The following REEP3 variants were observed in gnomAD, a reference collection of about 807,000 sequenced individuals.
REEP3 encodes receptor accessory protein 3, also known as receptor expression-enhancing protein 3.
A neutral mutation model predicts 41.3 loss-of-function variants in REEP3; 20 were observed. The ratio of observed to expected loss-of-function variants is 0.48; its 90% confidence interval spans 0.34 to 0.70. REEP3 has a LOEUF of 0.70. Ranked by LOEUF, REEP3 falls within the 30% of genes least tolerant of loss-of-function variation. REEP3 has a pLI of 0.01. For synonymous variants in REEP3, 104 were observed against 101.8 expected (o/e 1.02, Z -0.13); for missense variants, 271 against 308.8 (o/e 0.88, Z 0.92).
rs1564488603 is a variant in REEP3, at chr10:63,598,064, TG to T, written c.225del (p.Trp75CysfsTer12). The T allele has an allele frequency of 6.2e-7, 1 of 1,610,676 alleles. No homozygotes were observed. The highest frequency in any genetic ancestry group is 8.5e-7 in the Non-Finnish European group (1 of 1,176,912). On this transcript the variant is annotated frameshift_variant, in exon 4 of 8. Transcript: ENST00000373758. LOFTEE classifies it high-confidence loss of function. ...YYELKIAFVI[W>X]LLSPYTKGAS... is the part of the protein sequence containing the mutation. ...TGAGCTGAAGATTGCTTTTGTCATA[TG>T]GCTGCTTTCTCCCTATACCAAAGGA...
In REEP3 at chr10:63,619,712, C is replaced by T. The variant is rs374380730; in HGVS notation, c.623C>T (p.Pro208Leu). 1.5e-5 allele frequency: 24 copies of T among 1,606,586 alleles called. No homozygotes were observed. The highest frequency in any genetic ancestry group is 2.0e-5 in the Non-Finnish European group (23 of 1,176,404). ...AAAACAGATGAAGAAGCAGAGGGGCCATATTCAGATAATGAGATGTTAACA... is the reference window on the plus strand; with the variant it reads ...AAAACAGATGAAGAAGCAGAGGGGCTATATTCAGATAATGAGATGTTAACA... ...DEKTDEEAEG[P>L]YSDNEMLTHK... The change falls in exon 7 of 8, where the codon CCA becomes CTA. Residue 208 changes from proline (P) to leucine (L), a missense_variant. By Grantham distance (98) the Pro-to-Leu change is moderately conservative (BLOSUM62 -3). Coordinates refer to ENST00000373758, the MANE Select transcript of REEP3 (RefSeq NM_001001330.3).
At chr10:63,541,395 T>G in intron 1 of REEP3, among the ~76,000 whole-genome samples, 1 of 152,216 alleles carries the variant, frequency 6.6e-6, no homozygotes, top group Non-Finnish European at 1.5e-5. Context: ...AGATTTTCCA[T>G]AGAACCCTAG....
At chr10:63,550,687 G>A (rs1267882663) in intron 1 of REEP3, among the ~76,000 whole-genome samples, 2 of 152,158 alleles carry the variant, frequency 1.3e-5, no homozygotes, top group Non-Finnish European at 2.9e-5. Context: ...CCCAACAGAG[G>A]AAGAGTTGGC....
intron 2 of REEP3, among the ~76,000 whole-genome samples, chr10:63,581,768 TAGAAG>T (rs1427946232): frequency 3.3e-5 from 5 of 151,986 alleles, no homozygotes; most frequent in African/African-American, 1.2e-4. Context: ...CTCTTGCTAT[TAGAAG>T]AGAGTTTTTA....
At chr10:63,592,548 C>T (rs1956074164) in intron 2 of REEP3, among the ~76,000 whole-genome samples, 1 of 152,030 alleles carries the variant, frequency 6.6e-6, no homozygotes, top group African/African-American at 2.4e-5. Flanking sequence ...TCATTTTTTC[C>T]TTCGTTTCTT....
chr10:63,534,274 A>G (rs573265149), intron 1 of REEP3, among the ~76,000 whole-genome samples: 2 of 151,754 alleles, frequency 1.3e-5, no homozygotes, highest in Non-Finnish European at 2.9e-5. Flanking sequence ...TTTTAGAGAC[A>G]GGGTCTCCCT....
In REEP3 at chr10:63,566,321, A is replaced by T. The variant is rs779348488; in HGVS notation, c.33-17A>T. On this transcript the variant is annotated splice_polypyrimidine_tract_variant and intron_variant, in intron 1 of 7. Transcript: ENST00000373758. Reference sequence around the variant, plus strand: ...ATTGTTGTGTTTGAACAGTATTCTCATTTTTTTTACTTTTAGGCTGGTGTT... The same window carrying T: ...ATTGTTGTGTTTGAACAGTATTCTCTTTTTTTTTACTTTTAGGCTGGTGTT... 1.2e-5 allele frequency: 17 copies of T among 1,472,912 alleles called. No homozygotes were observed. Among genetic ancestry groups the T allele is most frequent in the African/African-American group, 2.8e-5 (2 of 71,348 alleles). The allele number at this position is 1,472,912 out of a possible 1,614,324, so 91.2% of individuals were successfully genotyped here.
At chr10:63,617,778 C>T (rs67044923) in intron 6 of REEP3, among the ~76,000 whole-genome samples, 26,450 of 145,358 alleles carry the variant, frequency 0.18, 3,072 homozygotes, top group Non-Finnish European at 0.26. Flanking sequence ...GAATCTATCC[C>T]GTGCCTTCTC....
intron 2 of REEP3, among the ~76,000 whole-genome samples, chr10:63,573,216 CT>C (rs1955869025): frequency 6.6e-6 from 1 of 152,174 alleles, no homozygotes; most frequent in African/African-American, 2.4e-5. Context: ...TCCTTTCTTC[CT>C]TTGCCTATTT....
chr10:63,562,065 A>G (rs1955744902), intron 1 of REEP3, among the ~76,000 whole-genome samples: 1 of 152,044 alleles, frequency 6.6e-6, no homozygotes, highest in African/African-American at 2.4e-5. Flanking sequence ...TCTTGTTTAC[A>G]CTCTAGTTAG....
In REEP3 at chr10:63,536,210, A is replaced by C. The variant is rs540402040; in HGVS notation, c.32+14633A>C. Among the ~76,000 whole-genome samples the C allele has an allele frequency of 4.6e-5, 7 of 152,326 alleles. No individual in the cohort carries two copies. In the East Asian group the frequency reaches 1.4e-3, roughly 29 times the overall value. On this transcript the variant is annotated intron_variant, in intron 1 of 7. Transcript: ENST00000373758. ...AAGCTATATGGCAGTTGAGCTCCGG[A>C]CATAGACCTTAATGTGCTATAATTT...
intron 6 of REEP3, among the ~76,000 whole-genome samples, chr10:63,617,839 T>TTTTTTTAA (rs1589891031): frequency 9.7e-6 from 1 of 102,688 alleles, no homozygotes; most frequent in Admixed American, 9.9e-5. Flanking sequence ...TTTTTTTTTT[T>TTTTTTTAA]AAAGAGATGG....
chr10:63,530,755 A>G (rs1589855950), intron 1 of REEP3, among the ~76,000 whole-genome samples: 1 of 152,170 alleles, frequency 6.6e-6, no homozygotes, highest in Non-Finnish European at 1.5e-5. Context: ...TATAGATGAA[A>G]CTGTTCAAAT....
At chr10:63,609,430 C>T (rs1229726880) in intron 5 of REEP3, among the ~76,000 whole-genome samples, 1 of 128,740 alleles carries the variant, frequency 7.8e-6, no homozygotes, top group East Asian at 2.3e-4. Context: ...CCAGCTTGGG[C>T]GACAAAGCGA....
chr10:63,603,612 T>C (rs1956196102), intron 5 of REEP3, among the ~76,000 whole-genome samples: 2 of 152,156 alleles, frequency 1.3e-5, no homozygotes, highest in Admixed American at 1.3e-4. Flanking sequence ...CCATATCCCC[T>C]AAATGAAATC....
rs565937207 is a variant in REEP3, at chr10:63,621,125, T to A, written c.*256T>A. 294 of 315,980 alleles carry A rather than the reference T, an allele frequency of 9.3e-4. No individual in the cohort carries two copies. The highest frequency in any genetic ancestry group is 1.3e-3 in the Non-Finnish European group (221 of 169,486). 19.6% of individuals were successfully genotyped at this position (315,980 alleles called of 1,614,324 possible). On this transcript the variant is annotated 3_prime_UTR_variant, in exon 8 of 8. Transcript: ENST00000373758. Reference sequence around the variant, plus strand: ...GAAAATCATGTTGTCCGTTTTCAAATTCATCAACAGCCTAGAGTGCCTGAG... The same window carrying A: ...GAAAATCATGTTGTCCGTTTTCAAAATCATCAACAGCCTAGAGTGCCTGAG...
intron 2 of REEP3, among the ~76,000 whole-genome samples, chr10:63,579,107 C>T (rs1955926170): frequency 6.6e-6 from 1 of 151,642 alleles, no homozygotes; most frequent in South Asian, 2.1e-4. Context: ...TCTCAGCTCA[C>T]TGCAACCTCT....
chr10:63,561,487 A>T (rs35193693), intron 1 of REEP3, among the ~76,000 whole-genome samples: 31,093 of 152,172 alleles, frequency 0.2, 4,093 homozygotes, highest in Non-Finnish European at 0.3. Context: ...ATATTGAGGA[A>T]ACCATGTTGG....
At chr10:63,539,566 G>A (rs970401529) in intron 1 of REEP3, among the ~76,000 whole-genome samples, 1 of 152,044 alleles carries the variant, frequency 6.6e-6, no homozygotes, top group Admixed American at 6.6e-5. Context: ...GCTGAGGTGG[G>A]AGTATTTCTT....
Sources: gnomAD v4.1 joint callset for allele counts (sites outside exome capture counted in the v4.1 genomes callset) on GRCh38, gnomAD v4.1.1 for gene constraint, MANE v1.5 for transcripts, NCBI Gene and HGNC (gene_info 2026-07-23, HGNC 2026-07-21) for gene names.